Variants in NRG3 observed in about 807,000 individuals in gnomAD.
The protein encoded by NRG3 is pro-neuregulin-3, membrane-bound isoform.
In NRG3, 31 loss-of-function variants were observed where a neutral mutation model predicts 66.9. That is an observed-to-expected ratio of 0.46 (90% CI 0.35 to 0.63). The LOEUF (loss-of-function observed/expected upper bound fraction) is 0.63, where lower values mean the gene tolerates loss of function less well. Ranked by LOEUF, NRG3 falls within the 20% of genes least tolerant of loss-of-function variation. The pLI, the probability that NRG3 is intolerant of heterozygous loss-of-function variation, is 0.00. For missense variants in NRG3, 910 were observed against 878.9 expected (o/e 1.04, Z -0.45); for synonymous variants, 393 against 359.4 (o/e 1.09, Z -1.06).
Position 82,539,537 on chromosome 10 carries a change from A to G in NRG3, c.953+180669A>G, listed in dbSNP as rs142990030. On this transcript the variant is annotated intron_variant, in intron 2 of 8. Transcript: ENST00000372141. ...TACCTCTGAGGACAGTCCTTGGATG[A>G]TATCTGCAAAAATTGCCTCTGTAAT... is the stretch of plus-strand genomic sequence containing the variant. Among the ~76,000 whole-genome samples the G allele has an allele frequency of 3.7e-4, 57 of 152,294 alleles. 1 individual carries two copies. The East Asian group carries it at 7.1e-3, about 19-fold the overall frequency.
chr10:82,530,367 A>G (rs1847131457), intron 2 of NRG3, among the ~76,000 whole-genome samples: 1 of 152,074 alleles, frequency 6.6e-6, no homozygotes, highest in African/African-American at 2.4e-5. Context: ...GTCAAAATTT[A>G]CAAATATGTT....
At chr10:82,511,786 A>G (rs1459266967) in intron 2 of NRG3, among the ~76,000 whole-genome samples, 1 of 151,976 alleles carries the variant, frequency 6.6e-6, no homozygotes, top group Non-Finnish European at 1.5e-5. Context: ...GAAGAGTGTG[A>G]TGAATAGATC....
chr10:81,877,533 A>G (rs564831754), intron 1 of NRG3, among the ~76,000 whole-genome samples: 12 of 152,232 alleles, frequency 7.9e-5, no homozygotes, highest in African/African-American at 2.2e-4. Flanking sequence ...TCCCTGCCCT[A>G]TGATCTTACC....
intron 2 of NRG3, among the ~76,000 whole-genome samples, chr10:82,557,624 T>G (rs745660686): frequency 1.3e-5 from 2 of 152,178 alleles, no homozygotes; most frequent in Non-Finnish European, 2.9e-5. Flanking sequence ...CAGAAGCTCT[T>G]AAGTTAGTTC....
intron 2 of NRG3, among the ~76,000 whole-genome samples, chr10:82,666,782 T>G (rs1251194900): frequency 1.3e-5 from 2 of 152,240 alleles, no homozygotes; most frequent in Non-Finnish European, 2.9e-5. Context: ...GTTGCTCAGT[T>G]TGCTTTTCCA....
At chr10:82,674,878 C>A (rs2053555673) in intron 2 of NRG3, among the ~76,000 whole-genome samples, 1 of 151,762 alleles carries the variant, frequency 6.6e-6, no homozygotes, top group African/African-American at 2.4e-5. Context: ...GCCGGCCACA[C>A]CATGGGGGAG....
At chr10:82,232,811 A>G in intron 1 of NRG3, 3 of 717,378 alleles carry the variant, frequency 4.2e-6, no homozygotes, top group South Asian at 3.0e-5. Flanking sequence ...AGGCAGAAAC[A>G]GGAGCAAGGT....
intron 2 of NRG3, among the ~76,000 whole-genome samples, chr10:82,401,422 ATATC>A (rs1448007759): frequency 1.3e-5 from 2 of 151,986 alleles, no homozygotes; most frequent in Admixed American, 6.6e-5. Context: ...ATATATTTTG[ATATC>A]TATCTTTTGC....
Position 82,310,025 on chromosome 10 carries a change from C to G in NRG3, c.824-48714C>G, listed in dbSNP as rs565873885. ...CCCTTCCTACTTTTGCTGTAACTTC[C>G]TTTTCCATCCTCCATTATGTCTCCT... On this transcript the variant is annotated intron_variant, in intron 1 of 8. Transcript: ENST00000372141. Among the ~76,000 whole-genome samples, 5 of 152,284 alleles carry G rather than the reference C, an allele frequency of 3.3e-5. No homozygotes were observed. The East Asian group carries it at 9.7e-4, about 29-fold the overall frequency.
At chr10:82,870,800 C>A (rs183294234) in intron 4 of NRG3, among the ~76,000 whole-genome samples, 1 of 152,160 alleles carries the variant, frequency 6.6e-6, no homozygotes, top group East Asian at 1.9e-4. Context: ...GTTAAGAATT[C>A]TTTGTATTTT....
At chr10:81,942,739 C>T (rs1848506084) in intron 1 of NRG3, among the ~76,000 whole-genome samples, 1 of 152,064 alleles carries the variant, frequency 6.6e-6, no homozygotes, top group Non-Finnish European at 1.5e-5. Context: ...CTCACATATA[C>T]CAGGTGGACT....
intron 1 of NRG3, among the ~76,000 whole-genome samples, chr10:82,147,209 C>T (rs572111838): frequency 6.6e-6 from 1 of 152,188 alleles, no homozygotes; most frequent in African/African-American, 2.4e-5. Flanking sequence ...CTCACATCAA[C>T]CATGTGAGAT....
intron 1 of NRG3, among the ~76,000 whole-genome samples, chr10:82,242,433 C>A (rs915303573): frequency 1.2e-4 from 19 of 152,140 alleles, no homozygotes; most frequent in African/African-American, 4.3e-4. Flanking sequence ...ATAGAACAGG[C>A]AATGATATTT....
chr10:82,153,625 G>A lies in NRG3; in HGVS notation c.824-205114G>A, dbSNP rs182918008. Among the ~76,000 whole-genome samples, 217 of 151,898 alleles carry A rather than the reference G, an allele frequency of 1.4e-3. 1 individual carries two copies. The highest frequency in any genetic ancestry group is 4.9e-3 in the African/African-American group (202 of 41,466). ...ATGATAATTCTGTGTAATTTGGGGC[G>A]GGGGAACCACTACACTGTTTTCCAT... On this transcript the variant is annotated intron_variant, in intron 1 of 8. Coordinates refer to ENST00000372141, the MANE Select transcript of NRG3 (RefSeq NM_001010848.4).
intron 3 of NRG3, among the ~76,000 whole-genome samples, chr10:82,748,943 C>A (rs1370703416): frequency 6.6e-6 from 1 of 151,978 alleles, no homozygotes; most frequent in Admixed American, 6.6e-5. Flanking sequence ...TTGAGAGAAT[C>A]GCTTTCCCAT....
chr10:81,995,342 C>T (rs1486612568), intron 1 of NRG3, among the ~76,000 whole-genome samples: 1 of 152,144 alleles, frequency 6.6e-6, no homozygotes, highest in Admixed American at 6.6e-5. Context: ...TTGACTGTCC[C>T]TGCTTTCCTG....
chr10:81,962,699 C>G (rs1407293055), intron 1 of NRG3, among the ~76,000 whole-genome samples: 1 of 152,172 alleles, frequency 6.6e-6, no homozygotes, highest in Non-Finnish European at 1.5e-5. Context: ...GCGGAGTAGT[C>G]TCTGATCAGT....
chr10:82,337,757 A>G (rs980854836), intron 1 of NRG3, among the ~76,000 whole-genome samples: 1 of 152,202 alleles, frequency 6.6e-6, no homozygotes, highest in Non-Finnish European at 1.5e-5. Context: ...GGATGTATGT[A>G]TATATTCTTT....
intron 1 of NRG3, among the ~76,000 whole-genome samples, chr10:82,177,278 A>C (rs2073105540): frequency 6.6e-6 from 1 of 152,120 alleles, no homozygotes; most frequent in Admixed American, 6.6e-5. Flanking sequence ...GGAGAAACTA[A>C]AAGAAAAATC....
Sources: allele counts gnomAD v4.1 joint callset (sites outside exome capture counted in the v4.1 genomes callset), GRCh38; gene constraint gnomAD v4.1.1; transcripts MANE v1.5; gene names NCBI Gene and HGNC (gene_info 2026-07-23, HGNC 2026-07-21).